Variants in TRIM15 observed in about 807,000 individuals in gnomAD.
TRIM15 encodes E3 ubiquitin-protein ligase TRIM15.
TRIM15 carries 35 observed loss-of-function variants against 35.8 expected under a neutral mutation model. That is an observed-to-expected ratio of 0.98 (90% CI 0.75 to 1.30). The LOEUF (loss-of-function observed/expected upper bound fraction) is 1.30. TRIM15 is among the 50% of genes most tolerant of loss of function. TRIM15 has a pLI of 0.00. For missense variants in TRIM15, 590 were observed against 593.5 expected (o/e 0.99, Z 0.06); for synonymous variants, 252 against 249.8 (o/e 1.01, Z -0.08).
chr6:30,172,043 G>A lies in TRIM15; in HGVS notation c.1092G>A (p.Thr364=). Residue 364 remains threonine (T), a synonymous_variant, in exon 7 of 7, where the codon ACG becomes ACA. Transcript: ENST00000376694. The part of the protein sequence containing the change: ...DLQLGDGGGC[T]VGVAGEGVRR... ...AGCTGGGCGACGGCGGCGGCTGCAC[G>A]GTGGGGGTGGCCGGGGAGGGGGTGA... 6.4e-7 allele frequency: 1 copy of A among 1,571,030 alleles called. No homozygotes were observed. The highest frequency in any genetic ancestry group is 8.6e-7 in the Non-Finnish European group (1 of 1,158,104).
chr6:30,168,416 T>G lies in TRIM15; in HGVS notation c.594T>G (p.Ile198Met). The part of the protein sequence containing the change: ...LARLRELEQQ[I>M]WKERDEYITK... ...GGCTGAGGGAGCTGGAGCAGCAGAT[T>G]TGGAAGGAGAGGGATGAATATATCA... Residue 198 changes from isoleucine (I) to methionine (M), a missense_variant, in exon 3 of 7, where the codon ATT becomes ATG. Physicochemically the swap from Ile to Met is conservative, Grantham distance 10 (BLOSUM62 1). Coordinates refer to ENST00000376694, the MANE Select transcript of TRIM15 (RefSeq NM_033229.3). The G allele has an allele frequency of 6.2e-7, 1 of 1,612,746 alleles. No homozygotes were observed. Among genetic ancestry groups the G allele is most frequent in the Non-Finnish European group, 8.5e-7 (1 of 1,179,944 alleles).
chr6:30,168,664 C>T (rs1773795303), intron 3 of TRIM15, 134 bp downstream of exon 3: 1 of 852,376 alleles, frequency 1.2e-6, no homozygotes, highest in Non-Finnish European at 1.9e-6. Flanking sequence ...TCCAGAGGGG[C>T]TGGAGACTTG....
chr6:30,172,304 C>A lies in TRIM15; in HGVS notation c.1353C>A (p.Phe451Leu). The A allele has an allele frequency of 6.2e-7, 1 of 1,612,514 alleles. No homozygotes were observed. Among genetic ancestry groups the A allele is most frequent in the Non-Finnish European group, 8.5e-7 (1 of 1,179,740 alleles). Reference sequence around the variant, plus strand: ...CTTTCTCCGGCAAAGTCTTCCCTTTCTTTGCCGTCTGGAAAAAAGGTTCCT... The same window carrying A: ...CTTTCTCCGGCAAAGTCTTCCCTTTATTTGCCGTCTGGAAAAAAGGTTCCT... ...TASFSGKVFP[F>L]FAVWKKGSCL... Residue 451 changes from phenylalanine (F) to leucine (L), a missense_variant, in exon 7 of 7, where the codon TTC becomes TTA. By Grantham distance (22) the Phe-to-Leu change is conservative. Transcript: ENST00000376694.
chr6:30,171,809 T>A (rs554847180), intron 6 of TRIM15, 23 bp from the exon 7 acceptor site: 1 of 1,492,656 alleles, frequency 6.7e-7, no homozygotes, highest in South Asian at 1.4e-5. Flanking sequence ...CCGCTGTTGA[T>A]GTCTGCGCGC....
chr6:30,164,216 C>G (rs779674256), intron 1 of TRIM15, 151 bp downstream of exon 1: 7 of 1,165,884 alleles, frequency 6.0e-6, no homozygotes, highest in African/African-American at 1.6e-5. Context: ...AGACTGAAGG[C>G]AGATAGGGCT....
chr6:30,172,296 T>C lies in TRIM15; in HGVS notation c.1345T>C (p.Phe449Leu). The C allele has an allele frequency of 6.2e-7, 1 of 1,612,782 alleles. No individual in the cohort carries two copies. The highest frequency in any genetic ancestry group is 8.5e-7 in the Non-Finnish European group (1 of 1,179,852). Residue 449 changes from phenylalanine (F) to leucine (L), a missense_variant, in exon 7 of 7, where the codon TTC becomes CTC. Transcript: ENST00000376694. The stretch of plus-strand genomic sequence containing the variant: ...CACTGCCTCTTTCTCCGGCAAAGTC[T>C]TCCCTTTCTTTGCCGTCTGGAAAAA... The part of the protein sequence containing the change: ...TFTASFSGKV[F>L]PFFAVWKKGS...
At chr6:30,165,607 G>T (rs548835742) in intron 1 of TRIM15, among the ~76,000 whole-genome samples, 4 of 152,200 alleles carry the variant, frequency 2.6e-5, no homozygotes, top group African/African-American at 9.6e-5. Context: ...TAATCCTCTG[G>T]GTATATACCC....
chr6:30,172,188 C>A lies in TRIM15; in HGVS notation c.1237C>A (p.Arg413Ser), dbSNP rs1269193945. ...GTDLPLSEIP[R>S]GVRVALDYEA... ...CGACCTGCCGCTGAGCGAGATCCCG[C>A]GCGGCGTGAGAGTCGCCCTGGACTA... Residue 413 changes from arginine (R) to serine (S), a missense_variant, in exon 7 of 7, where the codon CGC (arginine) becomes AGC (serine). Coordinates refer to ENST00000376694, the MANE Select transcript of TRIM15 (RefSeq NM_033229.3). 1.0e-5 allele frequency: 16 copies of A among 1,607,942 alleles called. No individual in the cohort carries two copies. In the South Asian group the frequency reaches 1.8e-4, roughly 18 times the overall value.
chr6:30,171,128 T>A, intron 6 of TRIM15, 120 bp downstream of exon 6: 1 of 1,129,172 alleles, frequency 8.9e-7, no homozygotes, highest in Non-Finnish European at 1.3e-6. Context: ...CGATTCCAGT[T>A]CTTGCTAGCT....
rs767139207 is a variant in TRIM15 at position 30,163,913 on chromosome 6, C to T, written c.229C>T (p.Pro77Ser). Residue 77 changes from proline (P) to serine (S), a missense_variant, in exon 1 of 7, where the codon CCG (proline) becomes TCG (serine). Pro to Ser is a moderately conservative substitution (Grantham distance 74). Transcript: ENST00000376694. ...TCCCATGGCCCCTGTGCCCCTGGGC[C>T]CGCTGGGAGAAACTTACTGCGAGGA... ...ETPMAPVPLG[P>S]LGETYCEEHG... The T allele has an allele frequency of 4.3e-5, 69 of 1,612,988 alleles. No individual in the cohort carries two copies. The highest frequency in any genetic ancestry group is 1.6e-4 in the Middle Eastern group (1 of 6,064).
At chr6:30,166,373 T>C (rs916730424) in intron 1 of TRIM15, among the ~76,000 whole-genome samples, 1 of 152,224 alleles carries the variant, frequency 6.6e-6, no homozygotes, top group Non-Finnish European at 1.5e-5. Flanking sequence ...CCTTTCCCCA[T>C]TGCTTGTTTT....
chr6:30,172,443 C>T lies in TRIM15; in HGVS notation c.*94C>T. The T allele has an allele frequency of 6.7e-7, 1 of 1,498,458 alleles. No homozygotes were observed. Among genetic ancestry groups the T allele is most frequent in the South Asian group, 1.3e-5 (1 of 77,208 alleles). 92.8% of individuals were successfully genotyped at this position (1,498,458 alleles called of 1,614,324 possible). A position where few individuals can be genotyped will look rare whatever the true frequency, so the allele number is the denominator to read the frequency against. ...GTGTGCGGCCCGGGGGCTCCCTGTG[C>T]CCGCGTGAGGCGAGAGAACAGGGGA... On this transcript the variant is annotated 3_prime_UTR_variant, in exon 7 of 7. Transcript: ENST00000376694.
rs1063278 is a variant in TRIM15, at chr6:30,172,284, T to A, written c.1333T>A (p.Ser445Thr). The change falls in exon 7 of 7, where the codon TCC becomes ACC. Residue 445 changes from serine (S) to threonine (T), a missense_variant. Transcript: ENST00000376694. ...CATCTTCACCTTCACTGCCTCTTTC[T>A]CCGGCAAAGTCTTCCCTTTCTTTGC... ...EPIFTFTASF[S>T]GKVFPFFAVW... 8 of 1,612,726 alleles carry A rather than the reference T, an allele frequency of 5.0e-6. No individual in the cohort carries two copies. In the African/African-American group the frequency reaches 1.1e-4, roughly 22 times the overall value.
intron 4 of TRIM15, chr6:30,169,525 G>T: frequency 1.4e-6 from 1 of 693,034 alleles, no homozygotes; most frequent in South Asian, 1.5e-5. Flanking sequence ...ATGTTTTTAG[G>T]TTGATCCAGG....
chr6:30,167,606 T>C (rs891567967), intron 2 of TRIM15, among the ~76,000 whole-genome samples: 1 of 152,240 alleles, frequency 6.6e-6, no homozygotes, highest in African/African-American at 2.4e-5. Context: ...CTTTCCATCC[T>C]AGTCTGTTTG....
chr6:30,163,626 G>A lies in TRIM15; in HGVS notation c.-59G>A. On this transcript the variant is annotated 5_prime_UTR_variant, in exon 1 of 7. Transcript: ENST00000376694. ...CATGTAAGTGTGACTCGATTTCAGG[G>A]AAAGGGAACTCGCGTGGGCTGAGGA... 1.3e-6 allele frequency: 2 copies of A among 1,529,270 alleles called. No homozygotes were observed. Among genetic ancestry groups the A allele is most frequent in the Non-Finnish European group, 1.8e-6 (2 of 1,138,450 alleles). 94.7% of individuals were successfully genotyped at this position (1,529,270 alleles called of 1,614,324 possible). A position where few individuals can be genotyped will look rare whatever the true frequency, so the allele number is the denominator to read the frequency against.
rs1265120634 is a variant in TRIM15, at chr6:30,172,203, G to T, written c.1252G>T (p.Ala418Ser). ...LSEIPRGVRV[A>S]LDYEAGQVTL... ...CGAGATCCCGCGCGGCGTGAGAGTC[G>T]CCCTGGACTACGAGGCGGGGCAGGT... The change falls in exon 7 of 7, where the codon GCC (alanine) becomes TCC (serine). Residue 418 changes from alanine to serine, a missense_variant. Coordinates refer to ENST00000376694, the MANE Select transcript of TRIM15 (RefSeq NM_033229.3). 2 of 1,610,650 alleles carry T rather than the reference G, an allele frequency of 1.2e-6. No individual in the cohort carries two copies. The highest frequency in any genetic ancestry group is 1.7e-6 in the Non-Finnish European group (2 of 1,179,092).
In TRIM15 at chr6:30,163,783, C is replaced by T; in HGVS notation, c.99C>T (p.His33=). 1 of 1,613,042 alleles carries T rather than the reference C, an allele frequency of 6.2e-7. No individual in the cohort carries two copies. The highest frequency in any genetic ancestry group is 8.5e-7 in the Non-Finnish European group (1 of 1,180,032). ...ATGCGGTGACCATTCCCTGTGGACA[C>T]ACCTTCTGCCGGCTCTGCCTCCCCG... ...LEDAVTIPCG[H]TFCRLCLPAL... is the part of the protein sequence containing the mutation. The change falls in exon 1 of 7, where the codon CAC becomes CAT. Residue 33 remains histidine (H), a synonymous_variant. Transcript: ENST00000376694.
chr6:30,165,787 T>C (rs556184565), intron 1 of TRIM15, among the ~76,000 whole-genome samples: 1 of 152,362 alleles, frequency 6.6e-6, no homozygotes, highest in African/African-American at 2.4e-5. Context: ...TTTTTAATGA[T>C]CACCATTCTA....
Sources: allele counts gnomAD v4.1 joint callset (sites outside exome capture counted in the v4.1 genomes callset), GRCh38; gene constraint gnomAD v4.1.1; transcripts MANE v1.5; gene names NCBI Gene and HGNC (gene_info 2026-07-23, HGNC 2026-07-21).